The following HECW1 variants were observed in gnomAD, a reference collection of about 807,000 sequenced individuals.
HECW1 encodes the protein HECT, C2 and WW domain containing E3 ubiquitin protein ligase 1.
HECW1 carries 61 observed loss-of-function variants against 182.3 expected under a neutral mutation model. That is an observed-to-expected ratio of 0.33 (90% CI 0.27 to 0.41). HECW1 has a LOEUF of 0.41. HECW1 is among the 10% of genes least tolerant of loss of function. The pLI is 1.00. For missense variants in HECW1, 1,739 were observed against 2,108.9 expected (o/e 0.82, Z 3.44); for synonymous variants, 859 against 832.6 (o/e 1.03, Z -0.55).
chr7:43,424,854 A>T (rs868338922), intron 8 of HECW1, among the ~76,000 whole-genome samples: 4 of 152,148 alleles, frequency 2.6e-5, no homozygotes, highest in African/African-American at 4.8e-5. Flanking sequence ...GGATTTTTTT[A>T]AAATTTTAAG....
At chr7:43,231,545 C>A (rs1032003397) in intron 2 of HECW1, among the ~76,000 whole-genome samples, 4 of 152,166 alleles carry the variant, frequency 2.6e-5, no homozygotes, top group African/African-American at 9.7e-5. Context: ...TTCAAGGTGA[C>A]TATGTAGACC....
In HECW1 at chr7:43,277,979, T is replaced by G. The variant is rs754961927; in HGVS notation, c.28-33784T>G. On this transcript the variant is annotated intron_variant, in intron 3 of 29. Coordinates refer to ENST00000395891, the MANE Select transcript of HECW1 (RefSeq NM_015052.5). ...TCCCTGACTCCCCCAGACCTTTAAC[T>G]GTGGGCTGCCCCTGGGCTCAGACCT... Among the ~76,000 whole-genome samples the G allele has an allele frequency of 6.6e-5, 10 of 152,148 alleles. No homozygotes were observed. The South Asian group carries it at 8.3e-4, about 13-fold the overall frequency.
chr7:43,475,647 C>A (rs552082353), intron 16 of HECW1, among the ~76,000 whole-genome samples: 1 of 152,280 alleles, frequency 6.6e-6, no homozygotes, highest in Non-Finnish European at 1.5e-5. Flanking sequence ...ACTTCCTGTG[C>A]TCCAGCAATC....
In HECW1 at chr7:43,114,137, C is replaced by T. The variant is rs976577142; in HGVS notation, c.-266-20C>T. The stretch of plus-strand genomic sequence containing the variant: ...AGTGGTGCAATTCTCCCCTTGTTTT[C>T]CCCCCTTCTCTTTGAAAAGATATCA... On this transcript the variant is annotated intron_variant, in intron 1 of 29. Transcript: ENST00000395891. 2.5e-6 allele frequency: 2 copies of T among 807,060 alleles called. No individual in the cohort carries two copies. The highest frequency in any genetic ancestry group is 1.7e-5 in the African/African-American group (1 of 57,172). The allele number at this position is 807,060 out of a possible 1,614,324, so 50.0% of individuals were successfully genotyped here.
chr7:43,531,532 T>C (rs900001009), intron 24 of HECW1, among the ~76,000 whole-genome samples: 1 of 152,164 alleles, frequency 6.6e-6, no homozygotes, highest in Non-Finnish European at 1.5e-5. Flanking sequence ...CAAACCTCCA[T>C]GTCATGCCCT....
At chr7:43,207,263 T>C (rs1230132123) in intron 2 of HECW1, among the ~76,000 whole-genome samples, 1 of 152,144 alleles carries the variant, frequency 6.6e-6, no homozygotes, top group Admixed American at 6.6e-5. Context: ...GCCAGGCTGG[T>C]CTCGAATTCT....
intron 3 of HECW1, among the ~76,000 whole-genome samples, chr7:43,267,554 C>G (rs1388548792): frequency 6.6e-6 from 1 of 151,100 alleles, no homozygotes; most frequent in Non-Finnish European, 1.5e-5. Flanking sequence ...AACCCTCAGC[C>G]AAAGAAACCT....
chr7:43,167,299 T>A (rs1041010588), intron 2 of HECW1, among the ~76,000 whole-genome samples: 5 of 152,206 alleles, frequency 3.3e-5, no homozygotes, highest in Admixed American at 6.5e-5. Flanking sequence ...TTCCCCTATG[T>A]CTCTGTGTCT....
At chr7:43,381,550 G>A (rs2074549475) in intron 6 of HECW1, among the ~76,000 whole-genome samples, 2 of 149,270 alleles carry the variant, frequency 1.3e-5, no homozygotes, top group African/African-American at 5.0e-5. Context: ...GTGCAGTGGT[G>A]CGATATCCGC....
intron 2 of HECW1, among the ~76,000 whole-genome samples, chr7:43,125,060 G>A (rs915896161): frequency 6.6e-6 from 1 of 152,130 alleles, no homozygotes; most frequent in African/African-American, 2.4e-5. Context: ...GGTTCTGTAA[G>A]AGCCCCCTTC....
At chr7:43,135,887 G>C (rs1787473029) in intron 2 of HECW1, among the ~76,000 whole-genome samples, 1 of 150,742 alleles carries the variant, frequency 6.6e-6, no homozygotes. Context: ...TCAAGATTAA[G>C]TTATTTTTCA....
At chr7:43,418,179 C>T (rs145392592) in intron 8 of HECW1, among the ~76,000 whole-genome samples, 50 of 152,260 alleles carry the variant, frequency 3.3e-4, no homozygotes, top group Non-Finnish European at 6.6e-4. Context: ...ATCAGTCATA[C>T]GGGATTAGGG....
intron 2 of HECW1, among the ~76,000 whole-genome samples, chr7:43,170,223 T>A (rs1791544664): frequency 6.6e-6 from 1 of 152,194 alleles, no homozygotes; most frequent in South Asian, 2.1e-4. Context: ...ATCTAATGCC[T>A]GATGATCTGT....
chr7:43,263,087 C>T (rs981929598), intron 3 of HECW1, among the ~76,000 whole-genome samples: 4 of 152,156 alleles, frequency 2.6e-5, no homozygotes, highest in Non-Finnish European at 4.4e-5. Flanking sequence ...GCATTTTCCG[C>T]AATTACTTAC....
intron 19 of HECW1, among the ~76,000 whole-genome samples, chr7:43,498,391 A>AG (rs1263533625): frequency 6.6e-6 from 1 of 152,204 alleles, no homozygotes; most frequent in Non-Finnish European, 1.5e-5. Context: ...CCCTTGGGGC[A>AG]GGAGGATAAC....
chr7:43,236,281 T>A (rs540621052), intron 2 of HECW1, among the ~76,000 whole-genome samples: 1 of 152,270 alleles, frequency 6.6e-6, no homozygotes, highest in African/African-American at 2.4e-5. Context: ...ATTATTTAAG[T>A]AATTACTAAA....
In HECW1 at chr7:43,456,396, A is replaced by C; in HGVS notation, c.2600A>C (p.Asp867Ala). ...CGTCCGACGGCAGCAGCCACCCCGG[A>C]TGGCATGCGGAGATCGGGGTCCATC... ...WQRPTAAATP[D>A]GMRRSGSIQQ... The change falls in exon 13 of 30, where the codon GAT becomes GCT. Residue 867 changes from aspartate (D) to alanine (A), a missense_variant. By Grantham distance (126) the Asp-to-Ala change is moderately radical (BLOSUM62 -2). This residue lies in a region of HECW1 where 971 missense variants were observed against 1,029.1 expected (regional missense o/e 0.94). Transcript: ENST00000395891. The C allele has an allele frequency of 6.2e-7, 1 of 1,614,086 alleles. No homozygotes were observed. The highest frequency in any genetic ancestry group is 1.7e-5 in the Admixed American group (1 of 59,994).
intron 11 of HECW1, among the ~76,000 whole-genome samples, chr7:43,448,547 A>C (rs2077134375): frequency 6.6e-6 from 1 of 152,152 alleles, no homozygotes; most frequent in Non-Finnish European, 1.5e-5. Flanking sequence ...TTGTTGGGAA[A>C]ATTTAATGAG....
At chr7:43,199,354 G>T (rs1794825566) in intron 2 of HECW1, among the ~76,000 whole-genome samples, 1 of 152,212 alleles carries the variant, frequency 6.6e-6, no homozygotes, top group Non-Finnish European at 1.5e-5. Flanking sequence ...ATCTGTTCAA[G>T]AATATATATC....
Sources: gnomAD v4.1 joint callset for allele counts (sites outside exome capture counted in the v4.1 genomes callset) on GRCh38, gnomAD v4.1.1 for gene constraint, gnomAD v4.1.1 regional missense constraint, MANE v1.5 for transcripts, NCBI Gene and HGNC (gene_info 2026-07-23, HGNC 2026-07-21) for gene names.